Variants in PIK3C2G observed in about 807,000 individuals in gnomAD.
PIK3C2G encodes phosphatidylinositol-4-phosphate 3-kinase catalytic subunit type 2 gamma.
PIK3C2G carries 168 observed loss-of-function variants against 181.1 expected under a neutral mutation model. That is an observed-to-expected ratio of 0.93 (90% confidence interval 0.82 to 1.05). PIK3C2G has a LOEUF of 1.05. Among genes scored for constraint, PIK3C2G ranks in the 50% least tolerant of loss-of-function variants. The pLI is 0.00. For missense variants in PIK3C2G, 1,869 were observed against 1,732.8 expected (o/e 1.08, Z -1.40); for synonymous variants, 573 against 592.2 (o/e 0.97, Z 0.47).
intron 7 of PIK3C2G, among the ~76,000 whole-genome samples, chr12:18,324,253 T>C (rs1283866985): frequency 6.6e-6 from 1 of 152,144 alleles, no homozygotes; most frequent in Non-Finnish European, 1.5e-5. Context: ...CCCAAATCTT[T>C]AGTTATTATT....
intron 24 of PIK3C2G, among the ~76,000 whole-genome samples, chr12:18,529,939 C>T (rs1482208870): frequency 1.3e-5 from 2 of 152,102 alleles, no homozygotes; most frequent in Non-Finnish European, 2.9e-5. Flanking sequence ...CACAACCCAC[C>T]CATCTGTTGT....
chr12:18,720,773 C>T, the PIK3C2G span, among the ~76,000 whole-genome samples: 1 of 151,866 alleles, frequency 6.6e-6, no homozygotes, highest in Non-Finnish European at 1.5e-5. Context: ...TACAAGAATG[C>T]TCACATTAGC....
Position 18,567,008 on chromosome 12 carries a change from T to G in PIK3C2G, c.3962T>G (p.Leu1321Arg), listed in dbSNP as rs199915841. 3.8e-6 allele frequency: 6 copies of G among 1,589,552 alleles called. No individual in the cohort carries two copies. In the South Asian group the frequency reaches 5.5e-5, roughly 15 times the overall value. ...TCAGATCACAGAAGATTCAGAGATC[T>G]AAATCATTACATGGAACAGATATTA... ...TNSDHRRFRDLNHYMEQILNV... is the reference protein window; with the variant it reads ...TNSDHRRFRDRNHYMEQILNV... Residue 1321 changes from leucine to arginine, a missense_variant, in exon 29 of 33, where the codon CTA (leucine) becomes CGA (arginine). Transcript: ENST00000538779.
chr12:18,507,510 A>T (rs1169704141), intron 24 of PIK3C2G, among the ~76,000 whole-genome samples: 2 of 152,222 alleles, frequency 1.3e-5, no homozygotes, highest in African/African-American at 2.4e-5. Context: ...AGATAGAGAA[A>T]TGTACAGACC....
chr12:18,703,560 T>C, the PIK3C2G span, among the ~76,000 whole-genome samples: 6 of 152,178 alleles, frequency 3.9e-5, no homozygotes, highest in Non-Finnish European at 8.8e-5. Flanking sequence ...CTAAATGACC[T>C]TAGAGATAGA....
intron 11 of PIK3C2G, among the ~76,000 whole-genome samples, chr12:18,352,565 C>G (rs976081810): frequency 6.6e-6 from 1 of 152,214 alleles, no homozygotes. Context: ...GCTCTCTTTG[C>G]CATCCGCAGA....
chr12:18,264,440 TTAATGG>T (rs1948388642), intron 1 of PIK3C2G, among the ~76,000 whole-genome samples: 1 of 152,176 alleles, frequency 6.6e-6, no homozygotes, highest in Non-Finnish European at 1.5e-5. Flanking sequence ...AAAATTTCCA[TTAATGG>T]TAATGTCCTA....
At chr12:18,362,692 AT>A (rs1941346714) in intron 11 of PIK3C2G, 71 bp from the exon 12 acceptor site, 2 of 1,107,906 alleles carry the variant, frequency 1.8e-6, no homozygotes, top group South Asian at 3.5e-5. Flanking sequence ...GACTACAAAA[AT>A]AATTGACCCA....
intron 26 of PIK3C2G, among the ~76,000 whole-genome samples, chr12:18,549,430 C>G (rs1461344235): frequency 6.6e-6 from 1 of 151,986 alleles, no homozygotes; most frequent in Non-Finnish European, 1.5e-5. Context: ...AAGCCCTGTT[C>G]TAAGTGCTTT....
chr12:18,503,325 C>G lies in PIK3C2G; in HGVS notation c.3061C>G (p.His1021Asp). 2 of 1,611,624 alleles carry G rather than the reference C, an allele frequency of 1.2e-6. No individual in the cohort carries two copies. Among genetic ancestry groups the G allele is most frequent in the South Asian group, 1.1e-5 (1 of 90,766 alleles). ...TGATGCTGTGACCCTAGCAAAGATT[C>G]ATCGCCATTCTGGACTGATAGGACC... ...VPDAVTLAKI[H>D]RHSGLIGPLK... Residue 1021 changes from histidine (H) to aspartate (D), a missense_variant, in exon 23 of 33, where the codon CAT (histidine) becomes GAT (aspartate). By Grantham distance (81) the His-to-Asp change is moderately conservative. Coordinates refer to ENST00000538779, the MANE Select transcript of PIK3C2G (RefSeq NM_001288772.2).
intron 7 of PIK3C2G, among the ~76,000 whole-genome samples, chr12:18,323,486 C>T (rs956697360): frequency 6.6e-6 from 1 of 152,192 alleles, no homozygotes; most frequent in Non-Finnish European, 1.5e-5. Flanking sequence ...CCATTATGTT[C>T]TGACCCTTCA....
chr12:18,399,763 A>G lies in PIK3C2G; in HGVS notation c.2231A>G (p.Glu744Gly), dbSNP rs746411737. 3.0e-5 allele frequency: 48 copies of G among 1,606,708 alleles called. No individual in the cohort carries two copies. In the Admixed American group the frequency reaches 3.5e-4, roughly 12 times the overall value. Residue 744 changes from glutamate to glycine, a missense_variant, in exon 16 of 33, where the codon GAA becomes GGA. Physicochemically the swap from Glu to Gly is moderately conservative, Grantham distance 98. Transcript: ENST00000538779. ...LVLGSAPGWD[E>G]RTVSEMHTIL... The stretch of plus-strand genomic sequence containing the variant: ...CTGGGTAGTGCCCCTGGATGGGATG[A>G]AAGGACTGTTTCAGAAATGCATACC...
the PIK3C2G span, among the ~76,000 whole-genome samples, chr12:18,708,218 C>G: frequency 6.6e-6 from 1 of 152,160 alleles, no homozygotes; most frequent in African/African-American, 2.4e-5. Flanking sequence ...GGTTATCTAT[C>G]TCTGTACATT....
chr12:18,307,791 A>C (rs1463759374), intron 5 of PIK3C2G, among the ~76,000 whole-genome samples: 1 of 151,672 alleles, frequency 6.6e-6, no homozygotes, highest in Non-Finnish European at 1.5e-5. Flanking sequence ...TTTTCTCTAC[A>C]TAGCACCATT....
chr12:18,317,852 T>G (rs189617019), intron 6 of PIK3C2G, among the ~76,000 whole-genome samples: 1 of 152,358 alleles, frequency 6.6e-6, no homozygotes, highest in Non-Finnish European at 1.5e-5. Context: ...AAAATGTGAA[T>G]AATAACAGTT....
At chr12:18,247,578 G>T (rs1948052994), upstream of PIK3C2G, 1 of 152,156 alleles carries the variant, frequency 6.6e-6, no homozygotes, top group African/African-American at 2.4e-5. Flanking sequence ...ATTTACATAG[G>T]GCTCACAGAT....
chr12:18,539,232 C>T (rs1944022747), intron 25 of PIK3C2G, among the ~76,000 whole-genome samples: 1 of 151,834 alleles, frequency 6.6e-6, no homozygotes, highest in South Asian at 2.1e-4. Flanking sequence ...AAGACTATTT[C>T]CTTATCTGTT....
chr12:18,698,103 G>A, the PIK3C2G span, among the ~76,000 whole-genome samples: 1 of 151,460 alleles, frequency 6.6e-6, no homozygotes, highest in Non-Finnish European at 1.5e-5. Context: ...TGAAGGAACA[G>A]AGACCAGTAA....
intron 6 of PIK3C2G, among the ~76,000 whole-genome samples, chr12:18,316,111 T>C (rs887476665): frequency 2.0e-5 from 3 of 152,116 alleles, no homozygotes; most frequent in Non-Finnish European, 4.4e-5. Context: ...TAAATACAAC[T>C]ATTTTTCTAT....
Sources: gnomAD v4.1 joint callset for allele counts (sites outside exome capture counted in the v4.1 genomes callset) on GRCh38, gnomAD v4.1.1 for gene constraint, MANE v1.5 for transcripts, NCBI Gene and HGNC (gene_info 2026-07-23, HGNC 2026-07-21) for gene names.